Variants in USH2A observed in about 807,000 individuals in gnomAD.
USH2A encodes the protein usherin.
USH2A carries 443 observed loss-of-function variants against 538.9 expected under a neutral mutation model. The observed-to-expected ratio is 0.82, with a 90% CI of 0.76 to 0.89. USH2A has a LOEUF of 0.89. USH2A is among the 40% of genes least tolerant of loss of function. The probability of loss-of-function intolerance (pLI) is 0.00; values close to 1 mark genes in which losing one functional copy is unlikely to be tolerated. For synonymous variants in USH2A, 2,413 were observed against 2,273.5 expected (o/e 1.06, Z -1.75); for missense variants, 6,633 against 6,324.8 (o/e 1.05, Z -1.65).
chr1:215,905,298 G>C (rs939033797), intron 38 of USH2A, among the ~76,000 whole-genome samples: 3 of 152,026 alleles, frequency 2.0e-5, no homozygotes, highest in African/African-American at 7.2e-5. Context: ...CTTTTGAGGT[G>C]TGTTTTGTTT....
rs372198936 is a variant in USH2A at position 215,645,186 on chromosome 1, G to T, written c.14791+2336C>A. On this transcript the variant is annotated intron_variant, in intron 67 of 71. Transcript: ENST00000307340. ...AAGGGAGAAATGGGTGAGCTGGGTT[G>T]TGGGCATGAAGGGAGAAAGGGTGAG... Among the ~76,000 whole-genome samples, 6 of 152,310 alleles carry T rather than the reference G, an allele frequency of 3.9e-5. No homozygotes were observed. The South Asian group carries it at 1.0e-3, about 26-fold the overall frequency.
intron 70 of USH2A, among the ~76,000 whole-genome samples, chr1:215,634,015 C>G (rs1264788756): frequency 6.6e-6 from 1 of 152,166 alleles, no homozygotes; most frequent in Non-Finnish European, 1.5e-5. Context: ...CCATCTCCGC[C>G]TTTTAATGTT....
rs762491379 is a variant in USH2A at position 215,674,703 on chromosome 1, C to T, written c.13208G>A (p.Gly4403Asp). 1 of 1,614,046 alleles carries T rather than the reference C, an allele frequency of 6.2e-7. No individual in the cohort carries two copies. The change falls in exon 63 of 72, where the codon GGC becomes GAC. Residue 4403 changes from glycine to aspartate, a missense_variant. Coordinates refer to ENST00000307340, the MANE Select transcript of USH2A (RefSeq NM_206933.4). ...CAGGTGGGAAACCAGCAGGCACAGG[C>T]CCTGGCCAGCAAGGGACTCTTTATT... Reference protein sequence around the residue: ...YDNKESLAGQGLCLLVSHLQP... With the variant: ...YDNKESLAGQDLCLLVSHLQP...
chr1:216,188,256 G>C (rs2034647255), intron 20 of USH2A, among the ~76,000 whole-genome samples: 1 of 151,836 alleles, frequency 6.6e-6, no homozygotes, highest in Non-Finnish European at 1.5e-5. Flanking sequence ...CTAATGCATA[G>C]GGCAGGCAGA....
intron 15 of USH2A, among the ~76,000 whole-genome samples, chr1:216,209,073 A>T (rs902107502): frequency 6.6e-6 from 1 of 152,222 alleles, no homozygotes; most frequent in Non-Finnish European, 1.5e-5. Context: ...GGGGATCCAG[A>T]TGTCAGCCAA....
chr1:215,674,299 G>T lies in USH2A; in HGVS notation c.13612C>A (p.Pro4538Thr). The change falls in exon 63 of 72, where the codon CCA becomes ACA. Residue 4538 changes from proline (P) to threonine (T), a missense_variant. Pro to Thr is a conservative substitution (Grantham distance 38, BLOSUM62 -1). Coordinates refer to ENST00000307340, the MANE Select transcript of USH2A (RefSeq NM_206933.4). The stretch of plus-strand genomic sequence containing the variant: ...TGAGGACCCCTGGCCTGCAATTTTG[G>T]AGGTTCCATCCCTGAGGGTGCTGAG... ...SPSAPSGMEPPKLQARGPQEI... is the reference protein window; with the variant it reads ...SPSAPSGMEPTKLQARGPQEI... 1 of 1,614,028 alleles carries T rather than the reference G, an allele frequency of 6.2e-7. No homozygotes were observed. Among genetic ancestry groups the T allele is most frequent in the Non-Finnish European group, 8.5e-7 (1 of 1,179,994 alleles).
chr1:215,759,237 G>A (rs1660905152), intron 57 of USH2A, among the ~76,000 whole-genome samples: 1 of 152,108 alleles, frequency 6.6e-6, no homozygotes, highest in Admixed American at 6.6e-5. Flanking sequence ...CAAATATGTG[G>A]AACTTTTTCC....
At chr1:215,652,581 A>G (rs1220452285) in intron 64 of USH2A, among the ~76,000 whole-genome samples, 1 of 152,118 alleles carries the variant, frequency 6.6e-6, no homozygotes, top group African/African-American at 2.4e-5. Context: ...CCTCAGAAAT[A>G]GGTGAGGTCA....
intron 31 of USH2A, among the ~76,000 whole-genome samples, chr1:216,047,672 AG>A (rs761228958): frequency 6.6e-6 from 1 of 152,164 alleles, no homozygotes; most frequent in East Asian, 1.9e-4. Flanking sequence ...TAAAAGAGGA[AG>A]GGGGGAATAT....
intron 3 of USH2A, among the ~76,000 whole-genome samples, chr1:216,375,116 T>C (rs985820016): frequency 9.9e-5 from 15 of 152,088 alleles, no homozygotes; most frequent in Admixed American, 3.9e-4. Flanking sequence ...CTATAAACCA[T>C]TGACCCTTTA....
intron 37 of USH2A, among the ~76,000 whole-genome samples, chr1:215,952,106 C>T (rs1666934641): frequency 6.6e-6 from 1 of 151,910 alleles, no homozygotes; most frequent in African/African-American, 2.4e-5. Context: ...CCTCATGATC[C>T]ACCCGCCTCG....
At chr1:215,899,917 C>A (rs1665444601) in intron 40 of USH2A, among the ~76,000 whole-genome samples, 158 bp downstream of exon 40, 1 of 152,178 alleles carries the variant, frequency 6.6e-6, no homozygotes, top group Non-Finnish European at 1.5e-5. Flanking sequence ...TCTGGAGAGA[C>A]TGACCACCTT....
intron 17 of USH2A, among the ~76,000 whole-genome samples, 161 bp downstream of exon 17, chr1:216,199,466 C>A (rs1371538962): frequency 1.3e-5 from 2 of 152,168 alleles, no homozygotes; most frequent in African/African-American, 2.4e-5. Context: ...GTTCCACTAA[C>A]CAGGACAAAT....
At chr1:216,271,182 T>C (rs1192119086) in intron 11 of USH2A, among the ~76,000 whole-genome samples, 4 of 152,060 alleles carry the variant, frequency 2.6e-5, no homozygotes, top group Non-Finnish European at 5.9e-5. Context: ...CCAAATACCA[T>C]GAGGTGGTTT....
intron 37 of USH2A, among the ~76,000 whole-genome samples, chr1:215,940,857 A>G (rs979140231): frequency 4.6e-5 from 7 of 152,258 alleles, no homozygotes; most frequent in Admixed American, 2.0e-4. Flanking sequence ...GGGAATAAAT[A>G]CATGCACTAT....
At chr1:216,094,544 T>A (rs749223696) in intron 22 of USH2A, among the ~76,000 whole-genome samples, 1 of 152,206 alleles carries the variant, frequency 6.6e-6, no homozygotes, top group African/African-American at 2.4e-5. Context: ...AGAGTTCTAG[T>A]CACTCTATCA....
chr1:216,181,011 T>G (rs1372369779), intron 20 of USH2A, among the ~76,000 whole-genome samples: 1 of 152,112 alleles, frequency 6.6e-6, no homozygotes, highest in Non-Finnish European at 1.5e-5. Flanking sequence ...CCCCCGAAAC[T>G]CTCAGGGGTG....
At chr1:216,269,329 T>G (rs938663285) in intron 11 of USH2A, among the ~76,000 whole-genome samples, 1 of 152,078 alleles carries the variant, frequency 6.6e-6, no homozygotes, top group Non-Finnish European at 1.5e-5. Flanking sequence ...CTCTCTTTGC[T>G]TGCTGCCACC....
At chr1:216,154,201 C>T (rs1473843055) in intron 21 of USH2A, among the ~76,000 whole-genome samples, 1 of 152,054 alleles carries the variant, frequency 6.6e-6, no homozygotes, top group Non-Finnish European at 1.5e-5. Flanking sequence ...TGAATGAGAT[C>T]AAAAGAAACC....
Sources: allele counts gnomAD v4.1 joint callset (sites outside exome capture counted in the v4.1 genomes callset), GRCh38; gene constraint gnomAD v4.1.1; transcripts MANE v1.5; gene names NCBI Gene and HGNC (gene_info 2026-07-23, HGNC 2026-07-21).